MERTK: variants seen among roughly 807,000 people sequenced by gnomAD.
MERTK encodes tyrosine-protein kinase Mer.
MERTK carries 69 observed loss-of-function variants against 99.3 expected under a neutral mutation model. The ratio of observed to expected loss-of-function variants is 0.70; its 90% CI spans 0.57 to 0.85. The LOEUF (loss-of-function observed/expected upper bound fraction) is 0.85. Among genes scored for constraint, MERTK ranks in the 40% least tolerant of loss-of-function variants. The pLI, the probability that MERTK is intolerant of heterozygous loss-of-function variation, is 0.00. For synonymous variants in MERTK, 426 were observed against 467.6 expected (o/e 0.91, Z 1.15); for missense variants, 1,125 against 1,249.4 (o/e 0.90, Z 1.50).
intron 8 of MERTK, among the ~76,000 whole-genome samples, chr2:111,992,379 C>T (rs935328121): frequency 7.7e-5 from 7 of 91,248 alleles, no homozygotes; most frequent in Non-Finnish European, 9.6e-5. Flanking sequence ...GCACCCAGGG[C>T]GGGCATGAAA....
At chr2:112,023,242 G>C (rs900143169) in intron 18 of MERTK, among the ~76,000 whole-genome samples, 1 of 151,978 alleles carries the variant, frequency 6.6e-6, no homozygotes. Flanking sequence ...GTGAAACCCC[G>C]TCTCCGCTAA....
At chr2:111,947,281 C>A in intron 3 of MERTK, 113 bp from the exon 4 acceptor site, 3 of 642,888 alleles carry the variant, frequency 4.7e-6, no homozygotes, top group Non-Finnish European at 5.4e-6. Context: ...CCCACCCGCC[C>A]CCCACAAAAA....
chr2:111,899,580 C>T (rs1415197311), intron 1 of MERTK, among the ~76,000 whole-genome samples: 1 of 151,906 alleles, frequency 6.6e-6, no homozygotes, highest in Admixed American at 6.6e-5. Flanking sequence ...TGCCGCGGCG[C>T]GATCTCGGCT....
chr2:111,952,008 T>C (rs1386078454), intron 4 of MERTK: 1 of 152,214 alleles, frequency 6.6e-6, no homozygotes, highest in African/African-American at 2.4e-5. Context: ...TGACAAGATG[T>C]GCAAACTATT....
chr2:111,987,590 C>G (rs944355030), intron 8 of MERTK, among the ~76,000 whole-genome samples: 3 of 152,318 alleles, frequency 2.0e-5, no homozygotes, highest in South Asian at 2.1e-4. Flanking sequence ...GAGAATTTCT[C>G]TCCATGAATG....
chr2:111,986,525 G>A (rs2104744325), intron 8 of MERTK, among the ~76,000 whole-genome samples: 1 of 152,322 alleles, frequency 6.6e-6, no homozygotes, highest in South Asian at 2.1e-4. Context: ...TCTGGCTTGG[G>A]TGAAAGCTGC....
At chr2:111,992,403 T>C (rs1676639721) in intron 8 of MERTK, among the ~76,000 whole-genome samples, 1 of 152,054 alleles carries the variant, frequency 6.6e-6, no homozygotes, top group Admixed American at 6.6e-5. Context: ...CTGCACCCCT[T>C]CCCATGTGCC....
intron 1 of MERTK, among the ~76,000 whole-genome samples, chr2:111,922,399 G>C (rs950004625): frequency 2.0e-5 from 3 of 152,228 alleles, no homozygotes; most frequent in African/African-American, 7.2e-5. Flanking sequence ...ATGCCTTAGA[G>C]CTAAGAGCCC....
intron 1 of MERTK, among the ~76,000 whole-genome samples, chr2:111,900,921 A>T (rs895197063): frequency 6.6e-6 from 1 of 152,178 alleles, no homozygotes; most frequent in African/African-American, 2.4e-5. Flanking sequence ...CACACAGGGG[A>T]GACAGAGAGA....
chr2:111,968,859 C>G (rs370067648), intron 6 of MERTK, among the ~76,000 whole-genome samples: 1 of 152,122 alleles, frequency 6.6e-6, no homozygotes, highest in African/African-American at 2.4e-5. Flanking sequence ...TTTAAGGTCC[C>G]GAAACACATG....
rs575592215 is a variant in MERTK at position 111,956,044 on chromosome 2, C to A, written c.757+8477C>A. The stretch of plus-strand genomic sequence containing the variant: ...ATGACGAGTTGATGGATGCAGCAAA[C>A]CAACATGGCACATGTATACATATGT... On this transcript the variant is annotated intron_variant, in intron 4 of 18. Transcript: ENST00000295408. Among the ~76,000 whole-genome samples the A allele has an allele frequency of 1.2e-3, 183 of 151,928 alleles. 1 individual carries two copies. The highest frequency in any genetic ancestry group is 2.3e-3 in the Non-Finnish European group (159 of 67,968).
intron 7 of MERTK, among the ~76,000 whole-genome samples, chr2:111,978,220 G>C (rs1286139359): frequency 1.3e-5 from 2 of 151,374 alleles, no homozygotes; most frequent in African/African-American, 4.9e-5. Context: ...TGTAATCTCA[G>C]CTCACCGCAA....
rs145042253 is a variant in MERTK, at chr2:111,975,760, A to G, written c.1144+288A>G. On this transcript the variant is annotated intron_variant, in intron 7 of 18. Transcript: ENST00000295408. ...TCTCTCACAACACAACAATCAATAC[A>G]TGTTACCAACACAGTGGTCAATACA... is the stretch of plus-strand genomic sequence containing the variant. 1.2e-4 allele frequency among the ~76,000 whole-genome samples: 19 copies of G among 152,330 alleles called. No individual in the cohort carries two copies. The East Asian group carries it at 3.3e-3, about 26-fold the overall frequency.
At chr2:111,914,462 A>G (rs1684312683) in intron 1 of MERTK, among the ~76,000 whole-genome samples, 1 of 152,070 alleles carries the variant, frequency 6.6e-6, no homozygotes, top group African/African-American at 2.4e-5. Flanking sequence ...TATTTTTAGT[A>G]GAGACAGGGT....
At chr2:111,956,689 C>G (rs1250160807) in intron 4 of MERTK, among the ~76,000 whole-genome samples, 2 of 152,102 alleles carry the variant, frequency 1.3e-5, no homozygotes, top group Admixed American at 1.3e-4. Context: ...GAGACAAGGT[C>G]TTCTCTGTCA....
intron 10 of MERTK, among the ~76,000 whole-genome samples, chr2:111,998,259 A>G (rs1676794778): frequency 6.6e-6 from 1 of 152,230 alleles, no homozygotes; most frequent in Admixed American, 6.5e-5. Context: ...AAGAATGACT[A>G]TTTTAAAGAA....
intron 7 of MERTK, among the ~76,000 whole-genome samples, chr2:111,980,412 CTTTTTTTTTTTT>C (rs34831521): frequency 4.0e-5 from 4 of 100,980 alleles, no homozygotes; most frequent in African/African-American, 7.5e-5. Flanking sequence ...GCAACTATTT[CTTTTTTTTTTTT>C]TTTTTTTTTT....
intron 1 of MERTK, among the ~76,000 whole-genome samples, chr2:111,928,033 C>T (rs1055244602): frequency 6.6e-6 from 1 of 152,178 alleles, no homozygotes; most frequent in African/African-American, 2.4e-5. Flanking sequence ...TATGAGCCTT[C>T]CCTTGCTCAG....
intron 13 of MERTK, 98 bp downstream of exon 13, chr2:112,004,082 G>A: frequency 9.8e-7 from 1 of 1,020,192 alleles, no homozygotes; most frequent in Non-Finnish European, 1.5e-6. Context: ...AGTTCCCAGT[G>A]GGCCAGAAGG....
Sources: gnomAD v4.1 joint callset for allele counts (sites outside exome capture counted in the v4.1 genomes callset) on GRCh38, gnomAD v4.1.1 for gene constraint, MANE v1.5 for transcripts, NCBI Gene and HGNC (gene_info 2026-07-23, HGNC 2026-07-21) for gene names.